The following ARL15 variants were observed in gnomAD, a reference collection of about 807,000 sequenced individuals.
ARL15 encodes the protein ARF like GTPase 15, also known as ADP-ribosylation factor-like protein 15.
ARL15 carries 19 observed loss-of-function variants against 25.2 expected under a neutral mutation model. The ratio of observed to expected loss-of-function variants is 0.75; its 90% CI spans 0.53 to 1.10. The LOEUF is 1.10. Among genes scored for constraint, ARL15 ranks in the 50% least tolerant of loss-of-function variants. The probability of loss-of-function intolerance (pLI) is 0.00; values close to 1 mark genes in which losing one functional copy is unlikely to be tolerated. For synonymous variants in ARL15, 94 were observed against 86.8 expected (o/e 1.08, Z -0.46); for missense variants, 220 against 246.0 (o/e 0.89, Z 0.71).
intron 1 of ARL15, among the ~76,000 whole-genome samples, chr5:54,224,945 G>A (rs1479451197): frequency 6.6e-6 from 1 of 152,170 alleles, no homozygotes; most frequent in East Asian, 1.9e-4. Flanking sequence ...AGTCCTGTGT[G>A]AATCTAATGG....
chr5:53,949,776 T>C (rs920097275), intron 4 of ARL15, among the ~76,000 whole-genome samples: 1 of 152,218 alleles, frequency 6.6e-6, no homozygotes, highest in Non-Finnish European at 1.5e-5. Context: ...CTCAGAACAC[T>C]GAACTTTTTC....
chr5:54,073,577 TA>T (rs1751488254), intron 4 of ARL15, among the ~76,000 whole-genome samples: 1 of 152,180 alleles, frequency 6.6e-6, no homozygotes, highest in Non-Finnish European at 1.5e-5. Flanking sequence ...GTAAACAATA[TA>T]ACACTCTGGG....
At chr5:54,251,335 T>A (rs184703048) in intron 1 of ARL15, among the ~76,000 whole-genome samples, 3 of 152,352 alleles carry the variant, frequency 2.0e-5, no homozygotes, top group Admixed American at 2.0e-4. Flanking sequence ...TATTTTCATT[T>A]AATTTTCCCA....
chr5:54,133,822 T>TA (rs1753512899), intron 3 of ARL15, among the ~76,000 whole-genome samples: 1 of 151,812 alleles, frequency 6.6e-6, no homozygotes, highest in Non-Finnish European at 1.5e-5. Context: ...GGAAGACAGT[T>TA]AAAGGAGGAT....
At chr5:54,049,026 T>G (rs1379033564) in intron 4 of ARL15, among the ~76,000 whole-genome samples, 1 of 152,060 alleles carries the variant, frequency 6.6e-6, no homozygotes, top group Non-Finnish European at 1.5e-5. Context: ...AAAAAACTAC[T>G]GAGCAACTGG....
At chr5:53,991,766 A>AC (rs1748509078) in intron 4 of ARL15, among the ~76,000 whole-genome samples, 1 of 152,042 alleles carries the variant, frequency 6.6e-6, no homozygotes, top group Non-Finnish European at 1.5e-5. Flanking sequence ...TCTCCCACGT[A>AC]GTGGGAGAGT....
At chr5:53,910,854 T>C (rs1015389028) in intron 4 of ARL15, among the ~76,000 whole-genome samples, 3 of 151,694 alleles carry the variant, frequency 2.0e-5, no homozygotes, top group Admixed American at 2.0e-4. Context: ...ATTCGACCAA[T>C]TGGAGTAGGG....
chr5:54,102,833 C>T (rs928503362), intron 4 of ARL15, among the ~76,000 whole-genome samples: 9 of 152,246 alleles, frequency 5.9e-5, no homozygotes, highest in African/African-American at 2.2e-4. Context: ...ATAAATATTA[C>T]AAATTCTACA....
chr5:54,220,966 AG>A (rs1477400906), intron 1 of ARL15, among the ~76,000 whole-genome samples: 2 of 151,860 alleles, frequency 1.3e-5, no homozygotes, highest in African/African-American at 4.8e-5. Flanking sequence ...TCCAGAATTT[AG>A]GGAGTGAAAA....
At chr5:54,302,978 T>C (rs1758653063) in intron 1 of ARL15, among the ~76,000 whole-genome samples, 1 of 152,102 alleles carries the variant, frequency 6.6e-6, no homozygotes, top group Non-Finnish European at 1.5e-5. Flanking sequence ...ATAATTTAAT[T>C]TGTGGGAAGT....
intron 1 of ARL15, among the ~76,000 whole-genome samples, chr5:54,258,756 G>A (rs989912402): frequency 1.1e-4 from 17 of 152,122 alleles, no homozygotes; most frequent in African/African-American, 4.1e-4. Context: ...TTCTCCCTAA[G>A]ATTCAGTGAT....
intron 3 of ARL15, among the ~76,000 whole-genome samples, chr5:54,130,856 T>C (rs1048470507): frequency 1.8e-4 from 27 of 152,184 alleles, no homozygotes; most frequent in African/African-American, 6.3e-4. Context: ...TCTAGGTAGT[T>C]GATTTGGAAA....
At chr5:54,158,126 G>T (rs1285599312) in intron 2 of ARL15, among the ~76,000 whole-genome samples, 1 of 152,004 alleles carries the variant, frequency 6.6e-6, no homozygotes, top group Admixed American at 6.6e-5. Context: ...TATTTAGGAG[G>T]GATACCAAAG....
chr5:54,088,045 C>T (rs1159773649), intron 4 of ARL15, among the ~76,000 whole-genome samples: 1 of 152,040 alleles, frequency 6.6e-6, no homozygotes, highest in South Asian at 2.1e-4. Flanking sequence ...TGTACAGTTA[C>T]AAAAATATGA....
At chr5:54,020,442 T>G (rs1409064864) in intron 4 of ARL15, among the ~76,000 whole-genome samples, 1 of 152,148 alleles carries the variant, frequency 6.6e-6, no homozygotes, top group Non-Finnish European at 1.5e-5. Context: ...TAATGAGGTA[T>G]GCCTACCCAC....
intron 1 of ARL15, among the ~76,000 whole-genome samples, chr5:54,199,128 T>C (rs1480686707): frequency 3.4e-4 from 51 of 152,208 alleles, no homozygotes; most frequent in Admixed American, 8.5e-4. Flanking sequence ...CTTCCTTACA[T>C]CTTATACAAA....
chr5:53,907,167 T>G (rs1030264609), intron 4 of ARL15, among the ~76,000 whole-genome samples: 19 of 152,120 alleles, frequency 1.2e-4, no homozygotes, highest in African/African-American at 3.9e-4. Context: ...ATTTAACTAC[T>G]ACATGGCCAC....
At chr5:54,093,497 C>G (rs1320564918) in intron 4 of ARL15, among the ~76,000 whole-genome samples, 2 of 151,944 alleles carry the variant, frequency 1.3e-5, no homozygotes, top group African/African-American at 4.8e-5. Context: ...GCTACCTTTC[C>G]CTAATAAAGA....
At chr5:54,275,343 A>G (rs1757899657) in intron 1 of ARL15, among the ~76,000 whole-genome samples, 1 of 152,184 alleles carries the variant, frequency 6.6e-6, no homozygotes, top group Non-Finnish European at 1.5e-5. Flanking sequence ...GAACCCCTAG[A>G]GTCTTGGAGG....
Sources: allele counts gnomAD v4.1 joint callset (sites outside exome capture counted in the v4.1 genomes callset), GRCh38; gene constraint gnomAD v4.1.1; transcripts MANE v1.5; gene names NCBI Gene and HGNC (gene_info 2026-07-23, HGNC 2026-07-21).